ATP2B2: variants seen among roughly 807,000 people sequenced by gnomAD.
The protein encoded by ATP2B2 is ATPase plasma membrane Ca2+ transporting 2.
Under a neutral mutation model 120.0 loss-of-function variants are expected in ATP2B2, and 15 were observed. The ratio of observed to expected loss-of-function variants is 0.12; its 90% confidence interval spans 0.08 to 0.19. The LOEUF (loss-of-function observed/expected upper bound fraction) is 0.19. ATP2B2 is among the 10% of genes least tolerant of loss of function. The pLI is 1.00. For synonymous variants in ATP2B2, 694 were observed against 700.3 expected, an observed-to-expected ratio of 0.99 and a Z score of 0.14; for missense variants, 1,045 against 1,719.8, an observed-to-expected ratio of 0.61 and a Z score of 6.94.
At chr3:10,584,324 C>T (rs916077731) in intron 2 of ATP2B2, among the ~76,000 whole-genome samples, 5 of 152,296 alleles carry the variant, frequency 3.3e-5, no homozygotes, top group Admixed American at 2.6e-4. Flanking sequence ...ACCTGGAGTC[C>T]AGCTAATCCC....
At chr3:10,568,696 C>T (rs1455419606) in intron 2 of ATP2B2, among the ~76,000 whole-genome samples, 1 of 152,210 alleles carries the variant, frequency 6.6e-6, no homozygotes, top group Non-Finnish European at 1.5e-5. Context: ...TAAGCTCAGG[C>T]AACATCCCTG....
rs764135225 is a variant in ATP2B2 at position 10,375,691 on chromosome 3, C to G, written c.1202-47G>C. The G allele has an allele frequency of 3.8e-6, 6 of 1,572,056 alleles. 1 individual carries two copies. The highest frequency in any genetic ancestry group is 4.5e-5 in the East Asian group (2 of 44,344). On this transcript the variant is annotated intron_variant, in intron 10 of 22. Coordinates refer to ENST00000360273, the MANE Select transcript of ATP2B2 (RefSeq NM_001001331.4). The surrounding 1 kb of genome is among the most constrained non-coding windows in gnomAD (Gnocchi z 4.2). ...CTTGGGGGGTTCCAGGAAGTGGAGG[C>G]TGGGGGTGGTGTGGACCAAATCTTT...
At chr3:10,558,294 C>T (rs2067824248) in intron 2 of ATP2B2, among the ~76,000 whole-genome samples, 1 of 152,184 alleles carries the variant, frequency 6.6e-6, no homozygotes, top group African/African-American at 2.4e-5. Flanking sequence ...AGCTGTGTAG[C>T]CTCCAGCTAG....
chr3:10,609,406 C>T (rs1458482855), intron 2 of ATP2B2, among the ~76,000 whole-genome samples: 2 of 152,248 alleles, frequency 1.3e-5, no homozygotes, highest in Non-Finnish European at 2.9e-5. Flanking sequence ...AGCCTCCCGG[C>T]ATCGATCAGC....
intron 11 of ATP2B2, among the ~76,000 whole-genome samples, chr3:10,374,126 C>T (rs898380327): frequency 3.3e-5 from 5 of 152,144 alleles, no homozygotes; most frequent in African/African-American, 9.7e-5. Context: ...CTGCAGAAGG[C>T]GCAGAGGCCT....
Position 10,375,502 on chromosome 3 carries a change from C to A in ATP2B2, c.1344G>T (p.Val448=). 1 of 1,613,762 alleles carries A rather than the reference C, an allele frequency of 6.2e-7. No individual in the cohort carries two copies. Among genetic ancestry groups the A allele is most frequent in the Non-Finnish European group, 8.5e-7 (1 of 1,180,036 alleles). The change falls in exon 11 of 23, where the codon GTG becomes GTT. Residue 448 remains valine, a synonymous_variant. Coordinates refer to ENST00000360273, the MANE Select transcript of ATP2B2 (RefSeq NM_001001331.4). The surrounding 1 kb of genome is among the most constrained non-coding windows in gnomAD (Gnocchi z 4.2). ...QYFVKFFIIG[V]TVLVVAVPEG... ...CGGGCACGGCGACCACCAGCACCGT[C>A]ACGCCAATGATGAAGAACTTGACAA...
chr3:10,605,040 C>G (rs189420402), intron 2 of ATP2B2, among the ~76,000 whole-genome samples: 4 of 152,206 alleles, frequency 2.6e-5, no homozygotes, highest in African/African-American at 9.6e-5. Context: ...CCTTCTGTGT[C>G]CCCACTGTAC....
Position 10,328,581 on chromosome 3 carries a change from G to GT in ATP2B2, c.*232dup. On this transcript the variant is annotated 3_prime_UTR_variant, in exon 23 of 23. Coordinates refer to ENST00000360273, the MANE Select transcript of ATP2B2 (RefSeq NM_001001331.4). ...TGTTTTGGGAAAACCGCTCACTCCC[G>GT]TAAGCCCCCAGTGGAGATCCCGCCC... 1.8e-6 allele frequency: 1 copy of GT among 560,442 alleles called. No homozygotes were observed. The highest frequency in any genetic ancestry group is 3.1e-6 in the Non-Finnish European group (1 of 321,068). 34.7% of individuals were successfully genotyped at this position (560,442 alleles called of 1,614,324 possible).
In ATP2B2 at chr3:10,340,450, T is replaced by G; in HGVS notation, c.3129+43A>C. ...GGTCCTGCCCAGGGGCTCCAGCCGCTTGCTGCCCACCCCGGGCCTGGTTAG... is the reference window on the plus strand; with the variant it reads ...GGTCCTGCCCAGGGGCTCCAGCCGCGTGCTGCCCACCCCGGGCCTGGTTAG... On this transcript the variant is annotated intron_variant, in intron 20 of 22. Coordinates refer to ENST00000360273, the MANE Select transcript of ATP2B2 (RefSeq NM_001001331.4). The surrounding 1 kb of genome is among the most constrained non-coding windows in gnomAD (Gnocchi z 5.0). 6.2e-7 allele frequency: 1 copy of G among 1,614,000 alleles called. No homozygotes were observed.
Position 10,402,119 on chromosome 3 carries a change from C to T in ATP2B2, c.627G>A (p.Val209=), listed in dbSNP as rs199575468. 7.4e-6 allele frequency: 12 copies of T among 1,614,120 alleles called. No individual in the cohort carries two copies. In the Admixed American group the frequency reaches 1.7e-4, roughly 22 times the overall value. ...QVVQIPVAEI[V]VGDIAQVKYG... Reference sequence around the variant, plus strand: ...ATTTGACCTGGGCTATGTCCCCAACCACGATCTCAGCCACAGGGATCTGGA... The same window carrying T: ...ATTTGACCTGGGCTATGTCCCCAACTACGATCTCAGCCACAGGGATCTGGA... Residue 209 remains valine (V), a synonymous_variant, in exon 4 of 23, where the codon GTG becomes GTA. Coordinates refer to ENST00000360273, the MANE Select transcript of ATP2B2 (RefSeq NM_001001331.4). The surrounding 1 kb of genome is among the most constrained non-coding windows in gnomAD (Gnocchi z 4.9).
At chr3:10,630,094 TCA>T (rs2069820689) in intron 1 of ATP2B2, among the ~76,000 whole-genome samples, 1 of 152,224 alleles carries the variant, frequency 6.6e-6, no homozygotes, top group South Asian at 2.1e-4. Context: ...TCCCCAATCC[TCA>T]CAGACAGCAG....
At chr3:10,388,935 T>G (rs2061763956) in intron 5 of ATP2B2, among the ~76,000 whole-genome samples, 2 of 152,360 alleles carry the variant, frequency 1.3e-5, no homozygotes, top group Non-Finnish European at 2.9e-5. Flanking sequence ...CCACATATTT[T>G]TTTTCTACTT....
intron 2 of ATP2B2, among the ~76,000 whole-genome samples, chr3:10,426,505 A>C (rs1191961397): frequency 6.6e-6 from 1 of 152,182 alleles, no homozygotes; most frequent in Non-Finnish European, 1.5e-5. Context: ...GAGACCACAT[A>C]GCAAGCGCCT....
Position 10,340,485 on chromosome 3 carries a change from C to G in ATP2B2, c.3129+8G>C, listed in dbSNP as rs372944722. ...CCCCGGGCCTGGTTAGGGTGGGGGC[C>G]TCACTACCTGGATGGCAAAGGTGCC... On this transcript the variant is annotated splice_region_variant and intron_variant, in intron 20 of 22. Transcript: ENST00000360273. This position sits in a 1 kb window ranked among gnomAD's most constrained non-coding sequence, Gnocchi z 5.0. 25 of 1,614,078 alleles carry G rather than the reference C, an allele frequency of 1.5e-5. No individual in the cohort carries two copies. The African/African-American group carries it at 2.8e-4, about 18-fold the overall frequency.
chr3:10,625,079 T>G (rs2069658039), intron 1 of ATP2B2, among the ~76,000 whole-genome samples: 1 of 152,186 alleles, frequency 6.6e-6, no homozygotes, highest in Admixed American at 6.5e-5. Context: ...ATAATACCAT[T>G]GATGTCAGTG....
chr3:10,582,698 CG>C (rs376562394), intron 2 of ATP2B2, among the ~76,000 whole-genome samples: 215 of 152,218 alleles, frequency 1.4e-3, no homozygotes, highest in African/African-American at 4.9e-3. Context: ...GCAGAGGGAA[CG>C]GTAAGTGTAG....
chr3:10,357,035 C>A (rs1313550864), intron 14 of ATP2B2, among the ~76,000 whole-genome samples: 3 of 151,834 alleles, frequency 2.0e-5, no homozygotes, highest in Non-Finnish European at 4.4e-5. Flanking sequence ...GGGTTCCAGT[C>A]CCATTCATTC....
chr3:10,629,258 G>T (rs2069794789), intron 1 of ATP2B2, among the ~76,000 whole-genome samples: 1 of 152,194 alleles, frequency 6.6e-6, no homozygotes, highest in African/African-American at 2.4e-5. Flanking sequence ...CTCGACCTCC[G>T]CTGGGAACGC....
chr3:10,421,478 G>A (rs59250362), intron 2 of ATP2B2, among the ~76,000 whole-genome samples: 3 of 152,202 alleles, frequency 2.0e-5, no homozygotes. Context: ...AGAACACTCT[G>A]ACCCTTTGTC....
Sources: allele counts gnomAD v4.1 joint callset (sites outside exome capture counted in the v4.1 genomes callset), GRCh38; gene constraint gnomAD v4.1.1; non-coding constraint Gnocchi (gnomAD v3.1); transcripts MANE v1.5; gene names NCBI Gene and HGNC (gene_info 2026-07-23, HGNC 2026-07-21).